YIF1B: variants seen among roughly 807,000 people sequenced by gnomAD.
YIF1B encodes Yip1 interacting factor homolog B, membrane trafficking protein.
A neutral mutation model predicts 34.6 loss-of-function variants in YIF1B; 24 were observed. That is an observed-to-expected ratio of 0.69 (90% CI 0.50 to 0.98). The LOEUF is 0.98. Among genes scored for constraint, YIF1B ranks in the 50% least tolerant of loss-of-function variants. YIF1B has a pLI of 0.00. For synonymous variants in YIF1B, 186 were observed against 184.8 expected, an observed-to-expected ratio of 1.01 and a Z score of -0.05; for missense variants, 368 against 429.4, an observed-to-expected ratio of 0.86 and a Z score of 1.26.
chr19:38,316,218 A>G (rs1390414905), upstream of YIF1B, among the ~76,000 whole-genome samples: 1 of 152,098 alleles, frequency 6.6e-6, no homozygotes, highest in Non-Finnish European at 1.5e-5. Flanking sequence ...ACAGAAAATG[A>G]GTGTCTGCCC....
At position 38,305,121 on chromosome 19, in the gene YIF1B, C is replaced by T; in HGVS notation, c.*231G>A. Reference sequence around the variant, plus strand: ...CAAGGAGAGGCTGTCCACGCCATGCCCATCAGGGTTTATTGTTTCTGTAAC... The same window carrying T: ...CAAGGAGAGGCTGTCCACGCCATGCTCATCAGGGTTTATTGTTTCTGTAAC... On this transcript the variant is annotated 3_prime_UTR_variant, in exon 8 of 8. Coordinates refer to ENST00000339413, the MANE Select transcript of YIF1B (RefSeq NM_001039672.3). 6.9e-7 allele frequency: 1 copy of T among 1,439,238 alleles called. No homozygotes were observed. The highest frequency in any genetic ancestry group is 9.3e-7 in the Non-Finnish European group (1 of 1,080,878). The allele number at this position is 1,439,238 out of a possible 1,614,324, so 89.2% of individuals were successfully genotyped here.
At chr19:38,314,345 C>T (rs1969451079) in intron 1 of YIF1B, among the ~76,000 whole-genome samples, 1 of 152,024 alleles carries the variant, frequency 6.6e-6, no homozygotes, top group Admixed American at 6.6e-5. Flanking sequence ...CAGGCGCACA[C>T]CACCACGCCC....
rs148496936 is a variant in YIF1B, at chr19:38,307,662, C to T, written c.630G>A (p.Leu210=). The T allele has an allele frequency of 1.5e-5, 25 of 1,613,632 alleles. No individual in the cohort carries two copies. The highest frequency in any genetic ancestry group is 2.0e-5 in the Non-Finnish European group (24 of 1,180,006). ...EVLAILLSLY[L]VTVNTDLTTI... is the part of the protein sequence containing the mutation. ...TGGTGAGGTCGGTGTTGACAGTGAC[C>T]AGATAGAGGCTGAGCAGGATGGCCA... The change falls in exon 6 of 8, where the codon CTG becomes CTA. Residue 210 remains leucine (L), a synonymous_variant. Transcript: ENST00000339413.
rs967399957 is a variant in YIF1B, at chr19:38,315,912, G to A, written c.6C>T (p.His2=). The A allele has an allele frequency of 1.4e-6, 2 of 1,471,680 alleles. No homozygotes were observed. Among genetic ancestry groups the A allele is most frequent in the Admixed American group, 2.5e-5 (1 of 39,654 alleles). 91.2% of individuals were successfully genotyped at this position (1,471,680 alleles called of 1,614,324 possible). Residue 2 remains histidine (H), a synonymous_variant, in exon 1 of 8, where the codon CAC becomes CAT. Transcript: ENST00000339413. M[H]PAGLAAAAAG... Reference sequence around the variant, plus strand: ...CAGCCGCCGCCGCCAAGCCTGCCGGGTGCATCCTTCGCCGCCGCCACCTAA... The same window carrying A: ...CAGCCGCCGCCGCCAAGCCTGCCGGATGCATCCTTCGCCGCCGCCACCTAA...
chr19:38,305,586 C>A, intron 7 of YIF1B, 79 bp from the exon 8 acceptor site: 1 of 1,478,552 alleles, frequency 6.8e-7, no homozygotes, highest in Non-Finnish European at 9.0e-7. Context: ...GGACATACTT[C>A]CAGCCTCTGC....
At chr19:38,308,728 C>T in intron 5 of YIF1B, 64 bp downstream of exon 5, 1 of 1,605,920 alleles carries the variant, frequency 6.2e-7, no homozygotes, top group South Asian at 1.1e-5. Flanking sequence ...GAACTGAGAC[C>T]TTCCTGACCA....
rs1968918848 is a variant in YIF1B at position 38,304,792 on chromosome 19, G to A, written c.*560C>T. ...GTGCGGGGAGTGGTCCCCCTGTCTC[G>A]CTTCCAGCCCAGAACCATCTCTTCT... On this transcript the variant is annotated 3_prime_UTR_variant, in exon 8 of 8. Transcript: ENST00000339413. 21 of 1,612,794 alleles carry A rather than the reference G, an allele frequency of 1.3e-5. No individual in the cohort carries two copies. Among genetic ancestry groups the A allele is most frequent in the Non-Finnish European group, 1.7e-5 (20 of 1,179,372 alleles).
intron 7 of YIF1B, chr19:38,306,905 T>A (rs1473185508): frequency 6.5e-6 from 3 of 458,826 alleles, no homozygotes; most frequent in African/African-American, 4.0e-5. Flanking sequence ...ATGGTCTTGA[T>A]CTCCTGACCT....
intron 5 of YIF1B, 25 bp from the exon 6 acceptor site, chr19:38,307,777 T>TTC (rs761875846): frequency 6.2e-7 from 1 of 1,609,652 alleles, no homozygotes; most frequent in Non-Finnish European, 8.5e-7. Context: ...CCCCGCCACT[T>TTC]GGTTGGCTGG....
At chr19:38,307,174 A>G in intron 7 of YIF1B, 1 of 543,232 alleles carries the variant, frequency 1.8e-6, no homozygotes, top group Non-Finnish European at 3.4e-6. Flanking sequence ...TGAGAGTGAG[A>G]GCCCAGCCTG....
At position 38,309,582 on chromosome 19, in the gene YIF1B, A is replaced by G. The variant is rs1969225636; in HGVS notation, c.120T>C (p.Asp40=). The change falls in exon 2 of 8, where the codon GAT becomes GAC. Residue 40 remains aspartate (D), a synonymous_variant. Transcript: ENST00000339413. The part of the protein sequence containing the change: ...PGMADPHQLF[D]DTSSAQSRGY... Reference sequence around the variant, plus strand: ...CCCGGCTCTGGGCTGAACTTGTGTCATCGAAAAGCTGGTGGGGGTCGGCCA... The same window carrying G: ...CCCGGCTCTGGGCTGAACTTGTGTCGTCGAAAAGCTGGTGGGGGTCGGCCA... The G allele has an allele frequency of 1.9e-6, 3 of 1,598,412 alleles. No individual in the cohort carries two copies. Among genetic ancestry groups the G allele is most frequent in the Non-Finnish European group, 2.6e-6 (3 of 1,173,042 alleles).
upstream of YIF1B, chr19:38,319,999 T>A: frequency 6.7e-7 from 1 of 1,485,486 alleles, no homozygotes; most frequent in Non-Finnish European, 8.9e-7. Context: ...GTACGCCGCG[T>A]ACCTGGTGCT....
chr19:38,311,974 G>A (rs949660290), intron 1 of YIF1B, among the ~76,000 whole-genome samples: 3 of 151,566 alleles, frequency 2.0e-5, no homozygotes, highest in Non-Finnish European at 2.9e-5. Context: ...GTGCGTGCCT[G>A]TAATCCCAGC....
At chr19:38,316,034 C>T, upstream of YIF1B, 5 of 1,322,130 alleles carry the variant, frequency 3.8e-6, no homozygotes, top group Non-Finnish European at 4.8e-6. Context: ...GGCCTCGCCC[C>T]CACCCCCCCG....
chr19:38,306,999 A>G (rs1320173691), intron 7 of YIF1B: 14 of 474,070 alleles, frequency 3.0e-5, no homozygotes, highest in Non-Finnish European at 3.5e-5. Context: ...AACTGAATTT[A>G]AAGAAAGGAA....
chr19:38,306,631 G>T, intron 7 of YIF1B: 1 of 238,694 alleles, frequency 4.2e-6, no homozygotes, highest in Non-Finnish European at 8.3e-6. Context: ...AGCACCTTGA[G>T]GTGCAAGTAT....
At position 38,305,148 on chromosome 19, in the gene YIF1B, G is replaced by T. The variant is rs754834813; in HGVS notation, c.*204C>A. 2 of 1,404,270 alleles carry T rather than the reference G, an allele frequency of 1.4e-6. No individual in the cohort carries two copies. Among genetic ancestry groups the T allele is most frequent in the African/African-American group, 1.5e-5 (1 of 68,962 alleles). The allele number at this position is 1,404,270 out of a possible 1,614,324, so 87.0% of individuals were successfully genotyped here. A position where few individuals can be genotyped will look rare whatever the true frequency, so the allele number is the denominator to read the frequency against. On this transcript the variant is annotated 3_prime_UTR_variant, in exon 8 of 8. Coordinates refer to ENST00000339413, the MANE Select transcript of YIF1B (RefSeq NM_001039672.3). ...ATCAGGGTTTATTGTTTCTGTAACA[G>T]CGGCCACGCCCTGGGGCGGTGGCCT... is the stretch of plus-strand genomic sequence containing the variant.
chr19:38,309,875 T>C, intron 1 of YIF1B: 1 of 1,394,016 alleles, frequency 7.2e-7, no homozygotes. Flanking sequence ...TATGCATCCA[T>C]TCATCTACCC....
At chr19:38,316,776 T>C (rs1969566450), upstream of YIF1B, among the ~76,000 whole-genome samples, 1 of 152,188 alleles carries the variant, frequency 6.6e-6, no homozygotes, top group Non-Finnish European at 1.5e-5. Context: ...TCCTCCTGCC[T>C]CAGCCTCCCC....
Sources: allele counts gnomAD v4.1 joint callset (sites outside exome capture counted in the v4.1 genomes callset), GRCh38; gene constraint gnomAD v4.1.1; transcripts MANE v1.5; gene names NCBI Gene and HGNC (gene_info 2026-07-23, HGNC 2026-07-21).